RPS6KA5: variants seen among roughly 807,000 people sequenced by gnomAD.
The protein encoded by RPS6KA5 is ribosomal protein S6 kinase A5.
A neutral mutation model predicts 85.5 loss-of-function variants in RPS6KA5; 27 were observed. That is an observed-to-expected ratio of 0.32 (90% confidence interval 0.23 to 0.44). RPS6KA5 has a LOEUF of 0.44. RPS6KA5 is among the 20% of genes least tolerant of loss of function. RPS6KA5 has a pLI of 1.00. For synonymous variants in RPS6KA5, 334 were observed against 348.2 expected (o/e 0.96, Z 0.46); for missense variants, 811 against 980.9 (o/e 0.83, Z 2.31).
intron 4 of RPS6KA5, among the ~76,000 whole-genome samples, chr14:90,946,741 A>G (rs999173132): frequency 6.6e-5 from 10 of 152,242 alleles, no homozygotes; most frequent in African/African-American, 2.4e-4. Flanking sequence ...CCCAGTCTAC[A>G]TAATGACTGC....
rs919554517 is a variant in RPS6KA5 at position 90,851,943 on chromosome 14, T to C, written c.*20131A>G. On this transcript the variant is annotated 3_prime_UTR_variant, in exon 17 of 17. Transcript: ENST00000614987. Reference sequence around the variant, plus strand: ...TCCCAATCATCTCACAGCGTTTATTTGAACAAAAAAGACAGAATTTAATAT... The same window carrying C: ...TCCCAATCATCTCACAGCGTTTATTCGAACAAAAAAGACAGAATTTAATAT... The C allele has an allele frequency of 6.6e-6, 1 of 152,036 alleles. No individual in the cohort carries two copies. The highest frequency in any genetic ancestry group is 1.5e-5 in the Non-Finnish European group (1 of 67,990). 9.4% of individuals were successfully genotyped at this position (152,036 alleles called of 1,614,324 possible).
In RPS6KA5 at chr14:90,864,593, A is replaced by C. The variant is rs780643244; in HGVS notation, c.*7481T>G. Reference sequence around the variant, plus strand: ...TCAAAGGAAAGCACTTAGAAAGTAGAAAAGCAAACTAAAGAGAAGACATTT... The same window carrying C: ...TCAAAGGAAAGCACTTAGAAAGTAGCAAAGCAAACTAAAGAGAAGACATTT... On this transcript the variant is annotated 3_prime_UTR_variant, in exon 17 of 17. Coordinates refer to ENST00000614987, the MANE Select transcript of RPS6KA5 (RefSeq NM_004755.4). The C allele has an allele frequency of 1.3e-5, 2 of 152,260 alleles. No homozygotes were observed. The highest frequency in any genetic ancestry group is 2.9e-5 in the Non-Finnish European group (2 of 68,044). The allele number at this position is 152,260 out of a possible 1,614,324, so 9.4% of individuals were successfully genotyped here. A position where few individuals can be genotyped will look rare whatever the true frequency, so the allele number is the denominator to read the frequency against.
At chr14:91,056,508 A>C (rs757196062) in intron 1 of RPS6KA5, among the ~76,000 whole-genome samples, 1 of 152,180 alleles carries the variant, frequency 6.6e-6, no homozygotes, top group Non-Finnish European at 1.5e-5. Context: ...ATGTGGGAAA[A>C]GTGGCACAGT....
In RPS6KA5 at chr14:91,053,891, C is replaced by G. The variant is rs183144373; in HGVS notation, c.103+6441G>C. Among the ~76,000 whole-genome samples, 27 of 152,216 alleles carry G rather than the reference C, an allele frequency of 1.8e-4. No individual in the cohort carries two copies. In the East Asian group the frequency reaches 2.5e-3, roughly 14 times the overall value. ...GGAAATACAAGGAATCCAGAATAAC[C>G]AAAACAATGTTGAAGAATAAGACTC... On this transcript the variant is annotated intron_variant, in intron 1 of 16. Transcript: ENST00000614987.
rs1595081625 is a variant in RPS6KA5, at chr14:90,865,401, A to G, written c.*6673T>C. The G allele has an allele frequency of 6.6e-6, 1 of 152,218 alleles. No individual in the cohort carries two copies. Among genetic ancestry groups the G allele is most frequent in the South Asian group, 2.1e-4 (1 of 4,834 alleles). 9.4% of individuals were successfully genotyped at this position (152,218 alleles called of 1,614,324 possible). ...ACAGACATAATGCTGATCAAATTAA[A>G]CCAGACACAAAAACCTATAGACTGG... On this transcript the variant is annotated 3_prime_UTR_variant, in exon 17 of 17. Coordinates refer to ENST00000614987, the MANE Select transcript of RPS6KA5 (RefSeq NM_004755.4).
intron 1 of RPS6KA5, among the ~76,000 whole-genome samples, chr14:91,034,628 A>G (rs2042325954): frequency 6.6e-6 from 1 of 152,328 alleles, no homozygotes; most frequent in South Asian, 2.1e-4. Context: ...AAATAAGGGA[A>G]TAAAAGCCAG....
intron 14 of RPS6KA5, 112 bp downstream of exon 14, chr14:90,890,374 GA>G: frequency 1.2e-6 from 1 of 862,842 alleles, no homozygotes; most frequent in South Asian, 3.3e-5. Context: ...GTACAGAAAA[GA>G]AACCACTTTG....
chr14:90,875,528 T>TTGACCCAGCCATCCCAG (rs1158381747), intron 14 of RPS6KA5, among the ~76,000 whole-genome samples, 168 bp from the exon 15 acceptor site: 1 of 152,126 alleles, frequency 6.6e-6, no homozygotes, highest in East Asian at 1.9e-4. Context: ...GAAATACCAT[T>TTGACCCAGCCATCCCAG]TGACCCAGCC....
chr14:91,028,022 A>T (rs1595505245), intron 1 of RPS6KA5, among the ~76,000 whole-genome samples: 1 of 152,346 alleles, frequency 6.6e-6, no homozygotes, highest in African/African-American at 2.4e-5. Flanking sequence ...TTAACATTAA[A>T]ATCAAACATA....
At chr14:91,050,714 C>T (rs1351301574) in intron 1 of RPS6KA5, among the ~76,000 whole-genome samples, 1 of 152,148 alleles carries the variant, frequency 6.6e-6, no homozygotes, top group East Asian at 1.9e-4. Flanking sequence ...CAGGCGTGAG[C>T]CACCGCGCCC....
rs910937588 is a variant in RPS6KA5, at chr14:90,870,512, A to G, written c.*1562T>C. The G allele has an allele frequency of 7.2e-5, 11 of 152,152 alleles. No individual in the cohort carries two copies. Among genetic ancestry groups the G allele is most frequent in the Non-Finnish European group, 2.9e-5 (2 of 67,998 alleles). The allele number at this position is 152,152 out of a possible 1,614,324, so 9.4% of individuals were successfully genotyped here. A position where few individuals can be genotyped will look rare whatever the true frequency, so the allele number is the denominator to read the frequency against. On this transcript the variant is annotated 3_prime_UTR_variant, in exon 17 of 17. Transcript: ENST00000614987. ...TTTTGCCTGTGCTATTAATATATAC[A>G]TTGATTTAGTAATAAATATACTACT...
chr14:90,947,949 C>T (rs1184405521), intron 3 of RPS6KA5, among the ~76,000 whole-genome samples: 1 of 152,236 alleles, frequency 6.6e-6, no homozygotes, highest in Non-Finnish European at 1.5e-5. Context: ...CCCATCCTTT[C>T]ATTTGTAATA....
rs567449770 is a variant in RPS6KA5, at chr14:90,906,865, C to T, written c.807-566G>A. Among the ~76,000 whole-genome samples the T allele has an allele frequency of 4.7e-4, 72 of 152,060 alleles. 1 individual carries two copies. The highest frequency in any genetic ancestry group is 1.7e-3 in the African/African-American group (70 of 41,492). Reference sequence around the variant, plus strand: ...CCTTGATATCTAGAAATGGGCACTACAGCTGGGGATTTTCATGGGGTAAAA... The same window carrying T: ...CCTTGATATCTAGAAATGGGCACTATAGCTGGGGATTTTCATGGGGTAAAA... On this transcript the variant is annotated intron_variant, in intron 7 of 16. Coordinates refer to ENST00000614987, the MANE Select transcript of RPS6KA5 (RefSeq NM_004755.4).
intron 2 of RPS6KA5, among the ~76,000 whole-genome samples, chr14:90,990,416 A>G (rs2040253475): frequency 1.3e-5 from 2 of 152,232 alleles, no homozygotes; most frequent in Non-Finnish European, 1.5e-5. Context: ...CAAAATGTTT[A>G]TACACTGCTA....
intron 1 of RPS6KA5, among the ~76,000 whole-genome samples, chr14:91,006,562 C>A (rs1566855691): frequency 1.3e-5 from 2 of 152,272 alleles, no homozygotes; most frequent in South Asian, 2.1e-4. Context: ...ATCTGCAAAC[C>A]AGGAAGTGGG....
At chr14:90,930,426 T>C (rs1286767981) in intron 5 of RPS6KA5, among the ~76,000 whole-genome samples, 2 of 152,154 alleles carry the variant, frequency 1.3e-5, no homozygotes, top group Non-Finnish European at 2.9e-5. Flanking sequence ...GACCTAGAAC[T>C]GTAAAAATCC....
chr14:90,875,987 G>A (rs1270789119), intron 14 of RPS6KA5, among the ~76,000 whole-genome samples: 1 of 151,744 alleles, frequency 6.6e-6, no homozygotes, highest in Non-Finnish European at 1.5e-5. Context: ...CACCAACATG[G>A]CACATGTATA....
intron 5 of RPS6KA5, among the ~76,000 whole-genome samples, chr14:90,934,424 T>C (rs1333377198): frequency 1.3e-5 from 2 of 152,228 alleles, no homozygotes; most frequent in African/African-American, 4.8e-5. Context: ...CTTTTGCCCT[T>C]ATGGACTTTA....
chr14:90,865,472 G>C lies in RPS6KA5; in HGVS notation c.*6602C>G, dbSNP rs2032763289. On this transcript the variant is annotated 3_prime_UTR_variant, in exon 17 of 17. Transcript: ENST00000614987. ...GTCAACAACAGTGACAGAGGTCAGA[G>C]TGGTGGTTATGTATGAGGACTGACT... 6.6e-6 allele frequency: 1 copy of C among 152,258 alleles called. No homozygotes were observed. The highest frequency in any genetic ancestry group is 1.9e-4 in the East Asian group (1 of 5,206). 9.4% of individuals were successfully genotyped at this position (152,258 alleles called of 1,614,324 possible).
Sources: gnomAD v4.1 joint callset for allele counts (sites outside exome capture counted in the v4.1 genomes callset) on GRCh38, gnomAD v4.1.1 for gene constraint, MANE v1.5 for transcripts, NCBI Gene and HGNC (gene_info 2026-07-23, HGNC 2026-07-21) for gene names.